Variants in KLF2 observed in about 807,000 individuals in gnomAD.
KLF2 encodes Krueppel-like factor 2.
A neutral mutation model predicts 22.2 loss-of-function variants in KLF2; 9 were observed. The observed-to-expected ratio is 0.40, with a 90% CI of 0.24 to 0.71. The LOEUF (loss-of-function observed/expected upper bound fraction) is 0.71. KLF2 is among the 30% of genes least tolerant of loss of function. The pLI is 0.35. For synonymous variants in KLF2, 299 were observed against 264.2 expected, an observed-to-expected ratio of 1.13 and a Z score of -1.28; for missense variants, 481 against 542.1, an observed-to-expected ratio of 0.89 and a Z score of 1.12.
rs777745864 is a variant in KLF2 at position 16,326,923 on chromosome 19, G to A, written c.960G>A (p.Thr320=). ...GWKFARSDEL[T]RHYRKHTGHR... is the part of the protein sequence containing the mutation. ...AGTTTGCGCGCTCAGACGAGCTCAC[G>A]CGCCACTACCGAAAGCACACGGGCC... The change falls in exon 3 of 3, where the codon ACG becomes ACA. Residue 320 remains threonine (T), a synonymous_variant. Coordinates refer to ENST00000248071, the MANE Select transcript of KLF2 (RefSeq NM_016270.4). 1.2e-6 allele frequency: 2 copies of A among 1,613,352 alleles called. No individual in the cohort carries two copies. Among genetic ancestry groups the A allele is most frequent in the Admixed American group, 3.3e-5 (2 of 60,022 alleles).
rs1328978169 is a variant in KLF2 at position 16,325,624 on chromosome 19, G to A, written c.484G>A (p.Gly162Ser). 8 of 1,098,940 alleles carry A rather than the reference G, an allele frequency of 7.3e-6. No homozygotes were observed. Among genetic ancestry groups the A allele is most frequent in the Non-Finnish European group, 7.7e-6 (7 of 906,724 alleles). 68.1% of individuals were successfully genotyped at this position (1,098,940 alleles called of 1,614,324 possible). The change falls in exon 2 of 3, where the codon GGT (glycine) becomes AGT (serine). Residue 162 changes from glycine (G) to serine (S), a missense_variant. By Grantham distance (56) the Gly-to-Ser change is moderately conservative. Coordinates refer to ENST00000248071, the MANE Select transcript of KLF2 (RefSeq NM_016270.4). ...GGGCCCGGCGGCTTCGTGCATGCGA[G>A]GTCCCGGGGGCCGCCCCCCGCCGCC... ...APGPAASCMR[G>S]PGGRPPPPPD...
chr19:16,326,436 A>G (rs2145197318), intron 2 of KLF2, among the ~76,000 whole-genome samples: 1 of 151,816 alleles, frequency 6.6e-6, no homozygotes, highest in East Asian at 1.9e-4. Context: ...GTAGTTGGGG[A>G]GTAGGTGCGC....
Position 16,325,548 on chromosome 19 carries a change from CG to C in KLF2, c.409del (p.Ala137ProfsTer4). On this transcript the variant is annotated frameshift_variant, in exon 2 of 3. Coordinates refer to ENST00000248071, the MANE Select transcript of KLF2 (RefSeq NM_016270.4). LOFTEE classifies it high-confidence loss of function. ...EADGGGGYGC[A>X]PGLTRGPRGL... ...CGGACGGCGGCGGCGGCTACGGCTG[CG>C]CCCCCGGGCTGACCCGTGGACCGCG... 1 of 1,240,832 alleles carries C rather than the reference CG, an allele frequency of 8.1e-7. No individual in the cohort carries two copies. Among genetic ancestry groups the C allele is most frequent in the Non-Finnish European group, 1.0e-6 (1 of 993,040 alleles). 76.9% of individuals were successfully genotyped at this position (1,240,832 alleles called of 1,614,324 possible). A position where few individuals can be genotyped will look rare whatever the true frequency, so the allele number is the denominator to read the frequency against.
chr19:16,325,187 G>C (rs771902374), intron 1 of KLF2, 29 bp from the exon 2 acceptor site: 1 of 1,459,938 alleles, frequency 6.8e-7, no homozygotes, highest in African/African-American at 1.5e-5. Context: ...CCCGCCGCCC[G>C]CTCACGCCCA....
At position 16,325,850 on chromosome 19, in the gene KLF2, C is replaced by T; in HGVS notation, c.710C>T (p.Pro237Leu). 1.4e-6 allele frequency: 2 copies of T among 1,419,892 alleles called. No homozygotes were observed. Among genetic ancestry groups the T allele is most frequent in the South Asian group, 1.5e-5 (1 of 68,082 alleles). The allele number at this position is 1,419,892 out of a possible 1,614,324, so 88.0% of individuals were successfully genotyped here. ...GCGGCAGCCCTGGGCCTGGCGCCCCCCGCCGCCCGCGGTCTCCTCACGCCG... is the reference window on the plus strand; with the variant it reads ...GCGGCAGCCCTGGGCCTGGCGCCCCTCGCCGCCCGCGGTCTCCTCACGCCG... The part of the protein sequence containing the change: ...AAAAALGLAP[P>L]AARGLLTPPA... The change falls in exon 2 of 3, where the codon CCC (proline) becomes CTC (leucine). Residue 237 changes from proline (P) to leucine (L), a missense_variant. Pro to Leu is a moderately conservative substitution (Grantham distance 98, BLOSUM62 -3). This residue lies in a region of KLF2 where 421 missense variants were observed against 435.1 expected (regional missense o/e 0.97). Transcript: ENST00000248071.
Position 16,324,975 on chromosome 19 carries a change from T to C in KLF2, c.52T>C (p.Cys18Arg). ...GTCCTTCTCCACTTTCGCCAGCCCG[T>C]GCCGCGAGCGCGGCCTGCAGGAGGT... ...LPSFSTFASP[C>R]RERGLQERWP... The change falls in exon 1 of 3, where the codon TGC becomes CGC. Residue 18 changes from cysteine (C) to arginine (R), a missense_variant. By Grantham distance (180) the Cys-to-Arg change is radical. Coordinates refer to ENST00000248071, the MANE Select transcript of KLF2 (RefSeq NM_016270.4). 6.3e-7 allele frequency: 1 copy of C among 1,598,072 alleles called. No individual in the cohort carries two copies. The highest frequency in any genetic ancestry group is 1.7e-4 in the Middle Eastern group (1 of 5,872).
In KLF2 at chr19:16,328,115, C is replaced by T. The variant is rs920388863; in HGVS notation, c.*1084C>T. Among the ~76,000 whole-genome samples, 2 of 152,048 alleles carry T rather than the reference C, an allele frequency of 1.3e-5. No individual in the cohort carries two copies. The highest frequency in any genetic ancestry group is 2.9e-5 in the Non-Finnish European group (2 of 68,000). On this transcript the variant is annotated 3_prime_UTR_variant, in exon 3 of 3. Coordinates refer to ENST00000248071, the MANE Select transcript of KLF2 (RefSeq NM_016270.4). ...AGGAAACGGAGGCCCGGAGAGGTAG[C>T]GGCAGGGTGGTGGAGTTGGGTTGTT... is the stretch of plus-strand genomic sequence containing the variant.
intron 1 of KLF2, 60 bp from the exon 2 acceptor site, chr19:16,325,156 G>T (rs914484327): frequency 2.9e-5 from 40 of 1,381,076 alleles, no homozygotes; most frequent in Non-Finnish European, 3.6e-5. Context: ...GGTGGTAAAA[G>T]GCAAGCAGCG....
At position 16,324,849 on chromosome 19, in the gene KLF2, C is replaced by T. The variant is rs1448568710; in HGVS notation, c.-75C>T. On this transcript the variant is annotated 5_prime_UTR_variant, in exon 1 of 3. Coordinates refer to ENST00000248071, the MANE Select transcript of KLF2 (RefSeq NM_016270.4). ...CCACAGAGCCGTCCCCGCCCGCCCG[C>T]GCCCCGACCAGCCCGGCCTCGGGCA... The T allele has an allele frequency of 2.3e-6, 3 of 1,303,960 alleles. No individual in the cohort carries two copies. The East Asian group carries it at 8.8e-5, about 38-fold the overall frequency. The allele number at this position is 1,303,960 out of a possible 1,614,324, so 80.8% of individuals were successfully genotyped here.
In KLF2 at chr19:16,325,451, T is replaced by C. The variant is rs3745318; in HGVS notation, c.311T>C (p.Leu104Pro). ...CTGCGACCCGAGCTGGATGCGCCGC[T>C]GGGGCCCGCACTGCACGGCCGCTTT... is the stretch of plus-strand genomic sequence containing the variant. ...ELLRPELDAP[L>P]GPALHGRFLL... The change falls in exon 2 of 3, where the codon CTG becomes CCG. Residue 104 changes from leucine (L) to proline (P), a missense_variant. Physicochemically the swap from Leu to Pro is moderately conservative, Grantham distance 98 (BLOSUM62 -3). Coordinates refer to ENST00000248071, the MANE Select transcript of KLF2 (RefSeq NM_016270.4). The C allele has an allele frequency of 0.76, 1,068,326 of 1,405,660 alleles. 409,575 individuals are homozygous for C. The highest frequency in any genetic ancestry group is 0.95 in the African/African-American group (62,982 of 66,048). 87.1% of individuals were successfully genotyped at this position (1,405,660 alleles called of 1,614,324 possible). A position where few individuals can be genotyped will look rare whatever the true frequency, so the allele number is the denominator to read the frequency against.
intron 2 of KLF2, 94 bp from the exon 3 acceptor site, chr19:16,326,762 G>T: frequency 7.8e-7 from 1 of 1,275,184 alleles, no homozygotes; most frequent in East Asian, 2.4e-5. Context: ...GCGCGTCAAG[G>T]CCCTGGTTAG....
chr19:16,326,127 C>G (rs750291829), intron 2 of KLF2, 95 bp downstream of exon 2: 188 of 1,241,484 alleles, frequency 1.5e-4, no homozygotes, highest in Non-Finnish European at 1.9e-4. Flanking sequence ...TTAGGACCTC[C>G]CTTGGGGCGT....
In KLF2 at chr19:16,327,172, TGACGACGAC is replaced by T. The variant is rs769364180; in HGVS notation, c.*149_*157del. ...CGTGGCTACAGAGGGTCTCCCTCGATGACGACGACGACGACGCCACCACCCCAGCCCCCG... is the reference window on the plus strand; with the variant it reads ...CGTGGCTACAGAGGGTCTCCCTCGATGACGACGCCACCACCCCAGCCCCCG... On this transcript the variant is annotated 3_prime_UTR_variant, in exon 3 of 3. Coordinates refer to ENST00000248071, the MANE Select transcript of KLF2 (RefSeq NM_016270.4). 1.3e-6 allele frequency: 1 copy of T among 799,232 alleles called. No homozygotes were observed. Among genetic ancestry groups the T allele is most frequent in the East Asian group, 2.9e-5 (1 of 34,986 alleles). The allele number at this position is 799,232 out of a possible 1,614,324, so 49.5% of individuals were successfully genotyped here.
At position 16,325,918 on chromosome 19, in the gene KLF2, G is replaced by T; in HGVS notation, c.778G>T (p.Gly260Cys). 6.6e-7 allele frequency: 1 copy of T among 1,519,636 alleles called. No homozygotes were observed. 94.1% of individuals were successfully genotyped at this position (1,519,636 alleles called of 1,614,324 possible). The change falls in exon 2 of 3, where the codon GGC becomes TGC. Residue 260 changes from glycine (G) to cysteine (C), a missense_variant. Gly to Cys is a radical substitution (Grantham distance 159). Transcript: ENST00000248071. ...LELLEAKPKRGRRSWPRKRTA... is the reference protein window; with the variant it reads ...LELLEAKPKRCRRSWPRKRTA... ...GCTGCTGGAGGCCAAGCCAAAGCGC[G>T]GCCGCCGCTCTTGGCCCCGCAAACG...
Position 16,325,412 on chromosome 19 carries a change from T to G in KLF2, c.272T>G (p.Leu91Arg), listed in dbSNP as rs746618681. Residue 91 changes from leucine (L) to arginine (R), a missense_variant, in exon 2 of 3, where the codon CTG becomes CGG. Transcript: ENST00000248071. ...PPPYSAPAGG[L>R]VSELLRPELD... ...CCCTACAGCGCCCCCGCGGGTGGCC[T>G]GGTGTCTGAGCTGCTGCGACCCGAG... 1 of 1,427,518 alleles carries G rather than the reference T, an allele frequency of 7.0e-7. No homozygotes were observed. The highest frequency in any genetic ancestry group is 9.1e-7 in the Non-Finnish European group (1 of 1,102,184). 88.4% of individuals were successfully genotyped at this position (1,427,518 alleles called of 1,614,324 possible).
In KLF2 at chr19:16,324,923, C is replaced by T. The variant is rs1401596082; in HGVS notation, c.-1C>T. 6 of 1,597,102 alleles carry T rather than the reference C, an allele frequency of 3.8e-6. No homozygotes were observed. The highest frequency in any genetic ancestry group is 2.3e-5 in the East Asian group (1 of 43,160). Reference sequence around the variant, plus strand: ...GCGTCCTTTCTCCCCGGGTCCCGGCCATGGCGCTGAGTGAACCCATCCTGC... The same window carrying T: ...GCGTCCTTTCTCCCCGGGTCCCGGCTATGGCGCTGAGTGAACCCATCCTGC... On this transcript the variant is annotated 5_prime_UTR_variant, in exon 1 of 3. Transcript: ENST00000248071.
chr19:16,327,100 A>C lies in KLF2; in HGVS notation c.*69A>C. 1.4e-6 allele frequency: 2 copies of C among 1,380,594 alleles called. No homozygotes were observed. The highest frequency in any genetic ancestry group is 1.9e-6 in the Non-Finnish European group (2 of 1,036,536). The allele number at this position is 1,380,594 out of a possible 1,614,324, so 85.5% of individuals were successfully genotyped here. On this transcript the variant is annotated 3_prime_UTR_variant, in exon 3 of 3. Coordinates refer to ENST00000248071, the MANE Select transcript of KLF2 (RefSeq NM_016270.4). The stretch of plus-strand genomic sequence containing the variant: ...ACGCGCCGGGCGCGGCCCCCTCCCA[A>C]ACTGTGACTGGTATTTATTGGACCC...
In KLF2 at chr19:16,327,861, A is replaced by T. The variant is rs1273707403; in HGVS notation, c.*830A>T. ...TACGTTGAAAAAAATAAAACTACTT[A>T]CCTCTTCCTGGAAGCCTCTGAGGTT... On this transcript the variant is annotated 3_prime_UTR_variant, in exon 3 of 3. Coordinates refer to ENST00000248071, the MANE Select transcript of KLF2 (RefSeq NM_016270.4). 3 of 151,418 alleles carry T rather than the reference A, an allele frequency of 2.0e-5. No individual in the cohort carries two copies. The highest frequency in any genetic ancestry group is 7.3e-5 in the African/African-American group (3 of 41,132). The allele number at this position is 151,418 out of a possible 1,614,324, so 9.4% of individuals were successfully genotyped here. A position where few individuals can be genotyped will look rare whatever the true frequency, so the allele number is the denominator to read the frequency against.
Position 16,325,926 on chromosome 19 carries a change from C to T in KLF2, c.786C>T (p.Arg262=), listed in dbSNP as rs2145196795. Reference sequence around the variant, plus strand: ...AGGCCAAGCCAAAGCGCGGCCGCCGCTCTTGGCCCCGCAAACGCACCGCCA... The same window carrying T: ...AGGCCAAGCCAAAGCGCGGCCGCCGTTCTTGGCCCCGCAAACGCACCGCCA... ...LLEAKPKRGR[R]SWPRKRTATH... The change falls in exon 2 of 3, where the codon CGC becomes CGT. Residue 262 remains arginine, a synonymous_variant. Transcript: ENST00000248071. The T allele has an allele frequency of 6.5e-7, 1 of 1,527,444 alleles. No homozygotes were observed. The highest frequency in any genetic ancestry group is 1.2e-5 in the South Asian group (1 of 83,274). 94.6% of individuals were successfully genotyped at this position (1,527,444 alleles called of 1,614,324 possible).
Sources: allele counts gnomAD v4.1 joint callset (sites outside exome capture counted in the v4.1 genomes callset), GRCh38; gene constraint gnomAD v4.1.1; regional missense constraint gnomAD v4.1.1; transcripts MANE v1.5; gene names NCBI Gene and HGNC (gene_info 2026-07-23, HGNC 2026-07-21).